Variants in RGS5 observed in about 807,000 individuals in gnomAD.
The protein encoded by RGS5 is regulator of G-protein signalling 5.
In RGS5, 20 loss-of-function variants were observed where a neutral mutation model predicts 18.9. The ratio of observed to expected loss-of-function variants is 1.06; its 90% CI spans 0.74 to 1.54. RGS5 has a LOEUF of 1.54. Among genes scored for constraint, RGS5 ranks in the 40% most tolerant of loss-of-function variants. The probability of loss-of-function intolerance (pLI) is 0.00; values close to 1 mark genes in which losing one functional copy is unlikely to be tolerated. For missense variants in RGS5, 201 were observed against 211.8 expected, an observed-to-expected ratio of 0.95 and a Z score of 0.32; for synonymous variants, 57 against 76.2, an observed-to-expected ratio of 0.75 and a Z score of 1.31.
chr1:163,288,851 T>C (rs75595849), intron 2 of RGS5, among the ~76,000 whole-genome samples: 2,589 of 152,286 alleles, frequency 0.017, 42 homozygotes, highest in South Asian at 0.05. Context: ...GCAATCTATT[T>C]TGCTCCAATA....
intron 2 of RGS5, among the ~76,000 whole-genome samples, chr1:163,278,954 T>C (rs1648926318): frequency 6.6e-6 from 1 of 152,100 alleles, no homozygotes. Context: ...AAGGTCACTA[T>C]ATAATGATAA....
chr1:163,153,882 T>C (rs1052556929), intron 3 of RGS5, among the ~76,000 whole-genome samples: 1 of 151,866 alleles, frequency 6.6e-6, no homozygotes, highest in South Asian at 2.1e-4. Flanking sequence ...AGGGAGAGAA[T>C]TCATGTTCAT....
intron 2 of RGS5, chr1:163,267,345 G>GT (rs1176529545): frequency 6.6e-6 from 1 of 152,160 alleles, no homozygotes; most frequent in Non-Finnish European, 1.5e-5. Flanking sequence ...CTCCAGAAAT[G>GT]TAAGAAGTAA....
rs139089442 is a variant in RGS5, at chr1:163,231,977, TA to T, written c.-280-63610del. ...CAGAGAGGCTGATATGCAAAGAAAATAAAAAAAAACCTAGAAGTTATGAGAC... is the reference window on the plus strand; with the variant it reads ...CAGAGAGGCTGATATGCAAAGAAAATAAAAAAAACCTAGAAGTTATGAGAC... On this transcript the variant is annotated intron_variant, in intron 2 of 5. Coordinates refer to the RGS5 transcript ENST00000618415. 8.8e-3 allele frequency among the ~76,000 whole-genome samples: 1,332 copies of T among 151,190 alleles called. 24 individuals are homozygous for T. Among genetic ancestry groups the T allele is most frequent in the African/African-American group, 0.03 (1,226 of 41,180 alleles).
intron 2 of RGS5, among the ~76,000 whole-genome samples, chr1:163,228,421 G>A (rs1163982732): frequency 6.6e-6 from 1 of 152,228 alleles, no homozygotes; most frequent in Non-Finnish European, 1.5e-5. Context: ...ACCCCTTTTA[G>A]CTATGGTTGG....
At chr1:163,307,279 C>G (rs1649728367) in intron 1 of RGS5, among the ~76,000 whole-genome samples, 1 of 152,170 alleles carries the variant, frequency 6.6e-6, no homozygotes. Context: ...AGATCCTCTA[C>G]TTATTTTCTT....
At chr1:163,152,444 A>G (rs986082202) in intron 4 of RGS5, 106 bp downstream of exon 4, 1 of 1,217,554 alleles carries the variant, frequency 8.2e-7, no homozygotes, top group Non-Finnish European at 1.1e-6. Flanking sequence ...CGACTCACAA[A>G]TAGGAATAGC....
At chr1:163,286,366 C>A (rs916722519) in intron 2 of RGS5, among the ~76,000 whole-genome samples, 1 of 152,024 alleles carries the variant, frequency 6.6e-6, no homozygotes, top group Non-Finnish European at 1.5e-5. Flanking sequence ...CAATCTCCCA[C>A]AGAAACTGAG....
At chr1:163,295,806 A>C (rs1021283544) in intron 2 of RGS5, among the ~76,000 whole-genome samples, 7 of 152,214 alleles carry the variant, frequency 4.6e-5, no homozygotes, top group African/African-American at 1.7e-4. Context: ...GTGAATCTTC[A>C]AGTGAGGCTT....
At chr1:163,292,986 T>C (rs1490014115) in intron 2 of RGS5, among the ~76,000 whole-genome samples, 6 of 151,864 alleles carry the variant, frequency 4.0e-5, no homozygotes, top group Non-Finnish European at 8.8e-5. Flanking sequence ...ACTCTGTTGA[T>C]AGTTTCCTTT....
intron 2 of RGS5, among the ~76,000 whole-genome samples, chr1:163,257,945 A>G (rs558591506): frequency 1.3e-5 from 2 of 152,270 alleles, no homozygotes; most frequent in South Asian, 4.1e-4. Context: ...TGGCCTAATT[A>G]GCTGATCCCT....
At chr1:163,249,212 CTA>C (rs1335013556) in intron 2 of RGS5, among the ~76,000 whole-genome samples, 1 of 152,254 alleles carries the variant, frequency 6.6e-6, no homozygotes, top group East Asian at 1.9e-4. Context: ...ATTATCTTCT[CTA>C]TGAGGAGTAC....
Position 163,143,160 on chromosome 1 carries a change from G to A in RGS5, c.*4182C>T, listed in dbSNP as rs1656990110. 1 of 152,196 alleles carries A rather than the reference G, an allele frequency of 6.6e-6. No homozygotes were observed. Among genetic ancestry groups the A allele is most frequent in the African/African-American group, 2.4e-5 (1 of 41,452 alleles). 9.4% of individuals were successfully genotyped at this position (152,196 alleles called of 1,614,324 possible). A position where few individuals can be genotyped will look rare whatever the true frequency, so the allele number is the denominator to read the frequency against. On this transcript the variant is annotated 3_prime_UTR_variant, in exon 5 of 5. Coordinates refer to ENST00000313961, the MANE Select transcript of RGS5 (RefSeq NM_003617.4). ...CCTCAGAACCTATTTGGTGAAAAGT[G>A]TGTTTAACACAAACAGTAGCTGCTA...
At chr1:163,279,784 AAAGAG>A (rs1227954980) in intron 2 of RGS5, among the ~76,000 whole-genome samples, 5 of 152,010 alleles carry the variant, frequency 3.3e-5, no homozygotes, top group Non-Finnish European at 4.4e-5. Context: ...CTGAGAAAGA[AAAGAG>A]AAGACAGAAA....
chr1:163,187,933 T>C (rs1010782658), intron 1 of RGS5, among the ~76,000 whole-genome samples: 4 of 152,134 alleles, frequency 2.6e-5, no homozygotes, highest in African/African-American at 9.7e-5. Context: ...TGGGATTTGA[T>C]GTTATCTCTG....
chr1:163,181,741 C>T (rs568473229), intron 1 of RGS5, among the ~76,000 whole-genome samples: 1 of 152,030 alleles, frequency 6.6e-6, no homozygotes, highest in African/African-American at 2.4e-5. Flanking sequence ...CCAAGGAAGA[C>T]CAAGGAAGGT....
intron 2 of RGS5, chr1:163,259,999 AC>A (rs1648387657): frequency 6.6e-6 from 1 of 152,248 alleles, no homozygotes; most frequent in African/African-American, 2.4e-5. Flanking sequence ...CCCTGAGGGC[AC>A]CCTCTAGATA....
At chr1:163,223,348 C>A (rs1453075632) in intron 2 of RGS5, among the ~76,000 whole-genome samples, 1 of 152,162 alleles carries the variant, frequency 6.6e-6, no homozygotes, top group Admixed American at 6.5e-5. Flanking sequence ...GGTGGCATCT[C>A]CTACTGCAAT....
intron 2 of RGS5, among the ~76,000 whole-genome samples, chr1:163,249,940 C>G (rs34410345): frequency 9.2e-5 from 14 of 152,322 alleles, no homozygotes; most frequent in Middle Eastern, 3.4e-3. Flanking sequence ...ATTTATCTTT[C>G]TCTGCCTTCT....
Sources: allele counts gnomAD v4.1 joint callset (sites outside exome capture counted in the v4.1 genomes callset), GRCh38; gene constraint gnomAD v4.1.1; transcripts MANE v1.5; gene names NCBI Gene and HGNC (gene_info 2026-07-23, HGNC 2026-07-21).